RBBP8NL: variants seen among roughly 807,000 people sequenced by gnomAD.
RBBP8NL encodes the protein RBBP8 N-terminal-like protein.
A neutral mutation model predicts 62.2 loss-of-function variants in RBBP8NL; 59 were observed. The observed-to-expected ratio is 0.95, with a 90% confidence interval of 0.77 to 1.18. The LOEUF (loss-of-function observed/expected upper bound fraction) is 1.18, where lower values mean the gene tolerates loss of function less well. RBBP8NL is among the 50% of genes most tolerant of loss of function. RBBP8NL has a pLI of 0.00. For synonymous variants in RBBP8NL, 412 were observed against 394.1 expected, an observed-to-expected ratio of 1.05 and a Z score of -0.54; for missense variants, 896 against 899.5, an observed-to-expected ratio of 1.00 and a Z score of 0.05.
At position 62,417,243 on chromosome 20, in the gene RBBP8NL, G is replaced by T; in HGVS notation, c.181C>A (p.Leu61Met). The change falls in exon 4 of 14, where the codon CTG (leucine) becomes ATG (methionine). Residue 61 changes from leucine (L) to methionine (M), a missense_variant. Transcript: ENST00000252998. Reference protein sequence around the residue: ...REQQKTLKENLRVLENRLRAG... With the variant: ...REQQKTLKENMRVLENRLRAG... ...GCCCACCTGTTCTCCAGCACCCGCA[G>T]GTTCTCCTTCAGTGTCTTCTGCTGT... 6.2e-7 allele frequency: 1 copy of T among 1,605,218 alleles called. No homozygotes were observed. The highest frequency in any genetic ancestry group is 8.5e-7 in the Non-Finnish European group (1 of 1,175,928).
chr20:62,423,999 A>G (rs1170218999), intron 1 of RBBP8NL, among the ~76,000 whole-genome samples: 1 of 150,932 alleles, frequency 6.6e-6, no homozygotes, highest in African/African-American at 2.4e-5. Context: ...GGGAACTCGG[A>G]AGGAGGGTCT....
chr20:62,422,432 C>A (rs999707684), intron 1 of RBBP8NL, among the ~76,000 whole-genome samples: 12 of 150,812 alleles, frequency 8.0e-5, no homozygotes, highest in African/African-American at 2.9e-4. Context: ...TGCCCTGGGG[C>A]CCTGGAAGTC....
chr20:62,416,874 T>C lies in RBBP8NL; in HGVS notation c.201-2A>G, dbSNP rs1317529990. 17 of 1,553,240 alleles carry C rather than the reference T, an allele frequency of 1.1e-5. No homozygotes were observed. Among genetic ancestry groups the C allele is most frequent in the Non-Finnish European group, 1.4e-5 (16 of 1,149,650 alleles). The stretch of plus-strand genomic sequence containing the variant: ...CGGTCGCACAGGCCGGCCCGCAGCC[T>C]GCAGGGATGGGGACGCAGGGGGTGT... On this transcript the variant is annotated splice_acceptor_variant, in intron 4 of 13. Coordinates refer to ENST00000252998, the MANE Select transcript of RBBP8NL (RefSeq NM_080833.3). LOFTEE classifies it high-confidence loss of function.
intron 4 of RBBP8NL, 73 bp from the exon 5 acceptor site, chr20:62,416,945 C>T (rs1368880057): frequency 1.7e-6 from 2 of 1,195,152 alleles, no homozygotes; most frequent in Admixed American, 2.1e-5. Context: ...ACTCACTGCC[C>T]CACTGCTGGG....
chr20:62,418,199 G>C (rs957014649), intron 3 of RBBP8NL, among the ~76,000 whole-genome samples: 4 of 152,186 alleles, frequency 2.6e-5, no homozygotes, highest in African/African-American at 9.7e-5. Flanking sequence ...CCGAGTAGGG[G>C]GCTTGCCCCG....
chr20:62,410,903 T>C lies in RBBP8NL; in HGVS notation c.1970A>G (p.Asn657Ser). 4 of 1,612,876 alleles carry C rather than the reference T, an allele frequency of 2.5e-6. No homozygotes were observed. Among genetic ancestry groups the C allele is most frequent in the Non-Finnish European group, 2.5e-6 (3 of 1,179,486 alleles). Residue 657 changes from asparagine to serine, a missense_variant, in exon 14 of 14, where the codon AAC becomes AGC. Asn to Ser is a conservative substitution (Grantham distance 46, BLOSUM62 1). Coordinates refer to ENST00000252998, the MANE Select transcript of RBBP8NL (RefSeq NM_080833.3). ...RDAEDHSPSP[N>S]SSPWEET ...CTAGGTCTCCTCCCAGGGGCTGCTGTTGGGGGAGGGACTGTGGTCCTCGGC... is the reference window on the plus strand; with the variant it reads ...CTAGGTCTCCTCCCAGGGGCTGCTGCTGGGGGAGGGACTGTGGTCCTCGGC...
At chr20:62,422,148 G>T (rs994531624) in intron 1 of RBBP8NL, among the ~76,000 whole-genome samples, 10 of 152,198 alleles carry the variant, frequency 6.6e-5, no homozygotes, top group African/African-American at 2.2e-4. Flanking sequence ...GCAGCTGGAG[G>T]CCATGCCCAA....
chr20:62,422,107 A>G (rs999159260), intron 1 of RBBP8NL, among the ~76,000 whole-genome samples: 1 of 152,038 alleles, frequency 6.6e-6, no homozygotes, highest in African/African-American at 2.4e-5. Context: ...TCAGATGTGC[A>G]CCGCTCTGCT....
intron 13 of RBBP8NL, among the ~76,000 whole-genome samples, chr20:62,411,536 C>A (rs1988434672): frequency 6.6e-6 from 1 of 152,270 alleles, no homozygotes; most frequent in South Asian, 2.1e-4. Flanking sequence ...AATTTCTGCA[C>A]CAGCCAAACA....
In RBBP8NL at chr20:62,414,190, G is replaced by A. The variant is rs769892737; in HGVS notation, c.1161C>T (p.Ser387=). The part of the protein sequence containing the change: ...GQPTPGEMLP[S]LPVGSDSEGP... ...CCTCAGAGTCTGAGCCGACTGGTAG[G>A]GAGGGCAGCATCTCCCCGGGTGTGG... The change falls in exon 10 of 14, where the codon TCC becomes TCT. Residue 387 remains serine (S), a synonymous_variant. Coordinates refer to ENST00000252998, the MANE Select transcript of RBBP8NL (RefSeq NM_080833.3). 19 of 1,609,404 alleles carry A rather than the reference G, an allele frequency of 1.2e-5. No homozygotes were observed. The highest frequency in any genetic ancestry group is 3.3e-5 in the Admixed American group (2 of 59,806).
chr20:62,423,899 C>T (rs545732239), intron 1 of RBBP8NL, among the ~76,000 whole-genome samples: 1 of 152,276 alleles, frequency 6.6e-6, no homozygotes, highest in East Asian at 1.9e-4. Flanking sequence ...GGGTCAGCAG[C>T]GGGGTCAGTG....
rs536111897 is a variant in RBBP8NL at position 62,415,326 on chromosome 20, G to A, written c.628-39C>T. 24 of 1,537,674 alleles carry A rather than the reference G, an allele frequency of 1.6e-5. No homozygotes were observed. In the African/African-American group the frequency reaches 2.9e-4, roughly 18 times the overall value. On this transcript the variant is annotated intron_variant, in intron 8 of 13. Transcript: ENST00000252998. ...TGGGTCAGCCTGGGCGGGGGCATGC[G>A]TGGCCTCTGCTGTGGCCTCTGCCAT... is the stretch of plus-strand genomic sequence containing the variant.
At chr20:62,426,600 T>A (rs1375659193) in intron 1 of RBBP8NL, among the ~76,000 whole-genome samples, 1 of 152,232 alleles carries the variant, frequency 6.6e-6, no homozygotes, top group South Asian at 2.1e-4. Flanking sequence ...TCTGTGGTAA[T>A]GGGCAAAGCC....
At chr20:62,418,587 G>A in intron 2 of RBBP8NL, 122 bp from the exon 3 acceptor site, 1 of 1,015,780 alleles carries the variant, frequency 9.8e-7, no homozygotes, top group East Asian at 2.6e-5. Flanking sequence ...CCCCCTGGGG[G>A]AGCCCTGCCA....
At chr20:62,415,418 C>G in intron 8 of RBBP8NL, 131 bp from the exon 9 acceptor site, 1 of 1,377,964 alleles carries the variant, frequency 7.3e-7, no homozygotes, top group Admixed American at 2.0e-5. Flanking sequence ...GCACCCCCAC[C>G]CACGCCAAAT....
chr20:62,418,606 C>T (rs1392658359), intron 2 of RBBP8NL, 141 bp from the exon 3 acceptor site: 1 of 841,830 alleles, frequency 1.2e-6, no homozygotes, highest in African/African-American at 1.7e-5. Flanking sequence ...CAGGTGAGCC[C>T]CTGTCTGTGC....
At chr20:62,413,140 C>T (rs1046949791) in intron 11 of RBBP8NL, among the ~76,000 whole-genome samples, 4 of 152,290 alleles carry the variant, frequency 2.6e-5, no homozygotes, top group African/African-American at 9.6e-5. Context: ...GGGGCACTCA[C>T]AGCCTGCTTG....
rs1988508393 is a variant in RBBP8NL at position 62,414,267 on chromosome 20, G to A, written c.1084C>T (p.Gln362Ter). ...EGALHLLLAQ[Q>*]QLRARARAGS... is the part of the protein sequence containing the mutation. Reference sequence around the variant, plus strand: ...GCCCTGGCCCTAGCCCGCAGCTGCTGCTGGGCCAGGAGCAGGTGCAGTGCC... The same window carrying A: ...GCCCTGGCCCTAGCCCGCAGCTGCTACTGGGCCAGGAGCAGGTGCAGTGCC... The change falls in exon 10 of 14, where the codon CAG (glutamine) becomes TAG (stop). Residue 362 changes from glutamine to a stop codon, truncating the protein, a stop_gained. Coordinates refer to ENST00000252998, the MANE Select transcript of RBBP8NL (RefSeq NM_080833.3). LOFTEE classifies it high-confidence loss of function. 1.3e-6 allele frequency: 2 copies of A among 1,587,340 alleles called. No homozygotes were observed. The highest frequency in any genetic ancestry group is 1.1e-5 in the South Asian group (1 of 87,978).
chr20:62,418,264 C>T lies in RBBP8NL; in HGVS notation c.104+159G>A, dbSNP rs551757138. 8.5e-5 allele frequency among the ~76,000 whole-genome samples: 13 copies of T among 152,296 alleles called. No homozygotes were observed. In the South Asian group the frequency reaches 2.3e-3, roughly 27 times the overall value. On this transcript the variant is annotated intron_variant, in intron 3 of 13. Coordinates refer to ENST00000252998, the MANE Select transcript of RBBP8NL (RefSeq NM_080833.3). ...AGTGCTGGCTTCGCTGCCTGCTCAC[C>T]GTGTGACCTTGGACAAGTGACTCCC...
Sources: gnomAD v4.1 joint callset for allele counts (sites outside exome capture counted in the v4.1 genomes callset) on GRCh38, gnomAD v4.1.1 for gene constraint, MANE v1.5 for transcripts, NCBI Gene and HGNC (gene_info 2026-07-23, HGNC 2026-07-21) for gene names.